PLCXD3: variants seen among roughly 807,000 people sequenced by gnomAD.
PLCXD3 encodes the protein phosphatidylinositol specific phospholipase C X domain containing 3.
Under a neutral mutation model 25.5 loss-of-function variants are expected in PLCXD3, and 19 were observed. That is an observed-to-expected ratio of 0.75 (90% CI 0.52 to 1.09). PLCXD3 has a LOEUF of 1.09. Ranked by LOEUF, PLCXD3 falls within the 50% of genes least tolerant of loss-of-function variation. The pLI, the probability that PLCXD3 is intolerant of heterozygous loss-of-function variation, is 0.00. For synonymous variants in PLCXD3, 174 were observed against 137.6 expected (o/e 1.26, Z -1.85); for missense variants, 411 against 388.1 (o/e 1.06, Z -0.50).
Position 41,313,441 on chromosome 5 carries a change from A to G in PLCXD3, c.*176T>C, listed in dbSNP as rs1470732398. On this transcript the variant is annotated 3_prime_UTR_variant, in exon 3 of 3. Coordinates refer to ENST00000377801, the MANE Select transcript of PLCXD3 (RefSeq NM_001005473.3). ...AAATGGGAAATGAAATATTTATAGT[A>G]ATGAAGAGTATGATTGTAATCACTG... 1 of 588,306 alleles carries G rather than the reference A, an allele frequency of 1.7e-6. No individual in the cohort carries two copies. The highest frequency in any genetic ancestry group is 2.8e-6 in the Non-Finnish European group (1 of 352,288). 36.4% of individuals were successfully genotyped at this position (588,306 alleles called of 1,614,324 possible).
At chr5:41,356,377 G>A (rs1744617770) in intron 2 of PLCXD3, among the ~76,000 whole-genome samples, 2 of 152,324 alleles carry the variant, frequency 1.3e-5, no homozygotes, top group South Asian at 4.1e-4. Context: ...AAAAACTGGG[G>A]ATGGTTACAG....
intron 2 of PLCXD3, among the ~76,000 whole-genome samples, chr5:41,339,780 T>G (rs1215313494): frequency 1.3e-5 from 2 of 152,176 alleles, no homozygotes; most frequent in African/African-American, 2.4e-5. Flanking sequence ...ATCTTAAATC[T>G]TCCTTCATAT....
At chr5:41,444,108 C>T (rs1195743253) in intron 1 of PLCXD3, among the ~76,000 whole-genome samples, 1 of 151,962 alleles carries the variant, frequency 6.6e-6, no homozygotes, top group East Asian at 1.9e-4. Context: ...AATTGGTGGC[C>T]TTTATTAGGG....
rs200243575 is a variant in PLCXD3 at position 41,322,702 on chromosome 5, C to T, written c.813-8932G>A. ...ACTGGATAAAGAAAATGTGGCTGGG[C>T]GTGGTGGCCCACGCCTGTAATTCTA... On this transcript the variant is annotated intron_variant, in intron 2 of 2. Transcript: ENST00000377801. Among the ~76,000 whole-genome samples, 364 of 151,296 alleles carry T rather than the reference C, an allele frequency of 2.4e-3. 2 individuals carry two copies. The highest frequency in any genetic ancestry group is 4.2e-3 in the Non-Finnish European group (282 of 67,324).
intron 1 of PLCXD3, among the ~76,000 whole-genome samples, chr5:41,452,193 T>G (rs1747648981): frequency 6.6e-6 from 1 of 152,052 alleles, no homozygotes; most frequent in South Asian, 2.1e-4. Flanking sequence ...AAATTGCTTG[T>G]ATAAGTTTGG....
rs1438170922 is a variant in PLCXD3 at position 41,411,941 on chromosome 5, T to G, written c.104-29407A>C. On this transcript the variant is annotated intron_variant, in intron 1 of 2. Coordinates refer to ENST00000377801, the MANE Select transcript of PLCXD3 (RefSeq NM_001005473.3). ...CCATATATATATCTCCATATATATGTATCCATATATATGTATCCATATATA... is the reference window on the plus strand; with the variant it reads ...CCATATATATATCTCCATATATATGGATCCATATATATGTATCCATATATA... Among the ~76,000 whole-genome samples the G allele has an allele frequency of 3.2e-4, 2 of 6,174 alleles. 1 individual carries two copies. The highest frequency in any genetic ancestry group is 1.5e-3 in the East Asian group (2 of 1,354). The allele number at this position is 6,174 out of a possible 152,430, so 4.1% of individuals were successfully genotyped here. A position where few individuals can be genotyped will look rare whatever the true frequency, so the allele number is the denominator to read the frequency against.
intron 2 of PLCXD3, among the ~76,000 whole-genome samples, chr5:41,356,010 AC>A (rs113599130): frequency 6.6e-6 from 1 of 152,140 alleles, no homozygotes; most frequent in African/African-American, 2.4e-5. Flanking sequence ...TCTAAAAAAA[AC>A]CCATGATCAT....
At chr5:41,356,156 C>T (rs970765341) in intron 2 of PLCXD3, among the ~76,000 whole-genome samples, 1 of 152,114 alleles carries the variant, frequency 6.6e-6, no homozygotes, top group Non-Finnish European at 1.5e-5. Flanking sequence ...CTCCCAGCTA[C>T]TTGGGAGGCT....
rs1049688165 is a variant in PLCXD3, at chr5:41,311,411, C to T, written c.*2206G>A. ...AAATACTTTGATGTGATCATCTACTCTACTTTCAAAGGTTTTATTACTCTT... is the reference window on the plus strand; with the variant it reads ...AAATACTTTGATGTGATCATCTACTTTACTTTCAAAGGTTTTATTACTCTT... On this transcript the variant is annotated 3_prime_UTR_variant, in exon 3 of 3. Coordinates refer to ENST00000377801, the MANE Select transcript of PLCXD3 (RefSeq NM_001005473.3). The T allele has an allele frequency of 1.3e-5, 2 of 152,088 alleles. No homozygotes were observed. The highest frequency in any genetic ancestry group is 6.6e-5 in the Admixed American group (1 of 15,250). The allele number at this position is 152,088 out of a possible 1,614,324, so 9.4% of individuals were successfully genotyped here. A position where few individuals can be genotyped will look rare whatever the true frequency, so the allele number is the denominator to read the frequency against.
At chr5:41,475,572 G>T (rs1000642903) in intron 1 of PLCXD3, 2 of 529,168 alleles carry the variant, frequency 3.8e-6, no homozygotes, top group African/African-American at 2.0e-5. Flanking sequence ...ACTTATCTCT[G>T]TTTATCCCTG....
intron 1 of PLCXD3, among the ~76,000 whole-genome samples, chr5:41,483,190 A>G (rs1293364458): frequency 6.6e-6 from 1 of 152,206 alleles, no homozygotes; most frequent in Non-Finnish European, 1.5e-5. Flanking sequence ...CAAAATACAA[A>G]TCCCAAATAC....
chr5:41,317,444 T>C (rs867145446), intron 2 of PLCXD3, among the ~76,000 whole-genome samples: 4 of 152,120 alleles, frequency 2.6e-5, no homozygotes, highest in South Asian at 2.1e-4. Context: ...AACTCTTCAA[T>C]GTCCAGACAT....
chr5:41,503,482 T>C (rs934057080), intron 1 of PLCXD3, among the ~76,000 whole-genome samples: 2 of 152,170 alleles, frequency 1.3e-5, no homozygotes, highest in Non-Finnish European at 2.9e-5. Flanking sequence ...AACAGATCCA[T>C]GGGCCATCTG....
chr5:41,383,445 C>T (rs1745541448), intron 1 of PLCXD3, among the ~76,000 whole-genome samples: 1 of 152,026 alleles, frequency 6.6e-6, no homozygotes, highest in Non-Finnish European at 1.5e-5. Context: ...ATAGAGAGTG[C>T]CATTTGAAAC....
At chr5:41,482,151 G>T (rs1006289884) in intron 1 of PLCXD3, among the ~76,000 whole-genome samples, 1 of 152,066 alleles carries the variant, frequency 6.6e-6, no homozygotes, top group African/African-American at 2.4e-5. Context: ...CTTTCAATGG[G>T]TCTTTTTCTC....
intron 2 of PLCXD3, among the ~76,000 whole-genome samples, chr5:41,321,726 A>T (rs1403248321): frequency 6.6e-6 from 1 of 152,230 alleles, no homozygotes; most frequent in Non-Finnish European, 1.5e-5. Flanking sequence ...ATAAAAACAG[A>T]CACATAGACC....
intron 1 of PLCXD3, among the ~76,000 whole-genome samples, chr5:41,490,168 C>T (rs1039708375): frequency 0.011 from 1,697 of 152,220 alleles, 26 homozygotes; most frequent in African/African-American, 0.038. Context: ...TTGTCAAAGG[C>T]CTTTTCTGCA....
chr5:41,347,297 G>GA (rs756508292), intron 2 of PLCXD3, among the ~76,000 whole-genome samples: 26 of 152,176 alleles, frequency 1.7e-4, no homozygotes, highest in Admixed American at 5.9e-4. Context: ...GAAAAAATTA[G>GA]AAAAAAATTC....
intron 1 of PLCXD3, among the ~76,000 whole-genome samples, chr5:41,459,805 C>T (rs571906092): frequency 8.6e-5 from 13 of 152,036 alleles, no homozygotes; most frequent in African/African-American, 3.1e-4. Flanking sequence ...TTCTTGCAAA[C>T]TTTCTTTTGT....
Sources: gnomAD v4.1 joint callset for allele counts (sites outside exome capture counted in the v4.1 genomes callset) on GRCh38, gnomAD v4.1.1 for gene constraint, MANE v1.5 for transcripts, NCBI Gene and HGNC (gene_info 2026-07-23, HGNC 2026-07-21) for gene names.